GNAQ: variants seen among roughly 807,000 people sequenced by gnomAD.
GNAQ encodes guanine nucleotide-binding protein G(q) subunit alpha.
GNAQ carries 8 observed loss-of-function variants against 43.9 expected under a neutral mutation model. The observed-to-expected ratio is 0.18, with a 90% CI of 0.11 to 0.33. The LOEUF is 0.33. GNAQ is among the 10% of genes least tolerant of loss of function. The probability of loss-of-function intolerance (pLI) is 1.00; values close to 1 mark genes in which losing one functional copy is unlikely to be tolerated. For missense variants in GNAQ, 158 were observed against 450.8 expected (o/e 0.35, Z 5.88); for synonymous variants, 155 against 170.7 (o/e 0.91, Z 0.71).
At chr9:77,961,697 A>C (rs1379312417) in intron 1 of GNAQ, among the ~76,000 whole-genome samples, 3 of 152,360 alleles carry the variant, frequency 2.0e-5, no homozygotes, top group South Asian at 4.1e-4. Context: ...CAAATTACTG[A>C]AGTGATCCCA....
intron 2 of GNAQ, among the ~76,000 whole-genome samples, chr9:77,840,337 C>T (rs1827468105): frequency 6.7e-6 from 1 of 148,376 alleles, no homozygotes; most frequent in Admixed American, 7.0e-5. Flanking sequence ...CAGATGTGTG[C>T]ATTTGATTAC....
At chr9:77,967,910 G>A (rs1196653497) in intron 1 of GNAQ, among the ~76,000 whole-genome samples, 1 of 152,106 alleles carries the variant, frequency 6.6e-6, no homozygotes, top group Admixed American at 6.5e-5. Flanking sequence ...AACTTGGGAG[G>A]CGGAGGTTGC....
intron 5 of GNAQ, among the ~76,000 whole-genome samples, chr9:77,734,006 T>C (rs974140144): frequency 4.6e-5 from 7 of 152,228 alleles, no homozygotes; most frequent in African/African-American, 7.2e-5. Flanking sequence ...TTCAGGCTAC[T>C]GTCTGGCACA....
chr9:77,754,013 CT>C (rs1156509150), intron 5 of GNAQ, among the ~76,000 whole-genome samples: 1 of 152,122 alleles, frequency 6.6e-6, no homozygotes, highest in Non-Finnish European at 1.5e-5. Flanking sequence ...TCCCTGTAAG[CT>C]TTGATGATGG....
chr9:77,835,574 T>C (rs551882302), intron 2 of GNAQ, among the ~76,000 whole-genome samples: 1 of 151,876 alleles, frequency 6.6e-6, no homozygotes, highest in Non-Finnish European at 1.5e-5. Context: ...CAGAAAAAAA[T>C]AGCTATCTTT....
chr9:77,900,171 G>C (rs1828578529), intron 2 of GNAQ, among the ~76,000 whole-genome samples: 2 of 152,030 alleles, frequency 1.3e-5, no homozygotes, highest in African/African-American at 4.8e-5. Context: ...TCATACTTGT[G>C]GTATATGTCT....
intron 2 of GNAQ, among the ~76,000 whole-genome samples, chr9:77,885,953 G>A (rs1427415424): frequency 6.6e-6 from 1 of 150,734 alleles, no homozygotes; most frequent in Non-Finnish European, 1.5e-5. Flanking sequence ...CTCTAATACA[G>A]TCTCCCTGGC....
At chr9:77,979,566 G>A (rs998220742) in intron 1 of GNAQ, among the ~76,000 whole-genome samples, 1 of 151,984 alleles carries the variant, frequency 6.6e-6, no homozygotes, top group African/African-American at 2.4e-5. Flanking sequence ...CAGTTAACGA[G>A]CTAAACAATT....
chr9:78,008,569 TATTTCATTTC>T (rs201289708), intron 1 of GNAQ, among the ~76,000 whole-genome samples: 31,158 of 146,850 alleles, frequency 0.21, 3,422 homozygotes, highest in East Asian at 0.31. Context: ...ACTATCGATT[TATTTCATTTC>T]ATTTCATTTC....
chr9:77,773,222 T>C (rs950557463), intron 5 of GNAQ, among the ~76,000 whole-genome samples: 2 of 152,366 alleles, frequency 1.3e-5, no homozygotes, highest in African/African-American at 2.4e-5. Context: ...TAACAAATAA[T>C]GATTAAGCTT....
chr9:77,955,522 G>A (rs1007969703), intron 1 of GNAQ, among the ~76,000 whole-genome samples: 14 of 152,118 alleles, frequency 9.2e-5, no homozygotes, highest in Non-Finnish European at 1.9e-4. Flanking sequence ...TGTACATAAC[G>A]CTATACTTTG....
chr9:77,785,451 C>G (rs1826460288), intron 5 of GNAQ, among the ~76,000 whole-genome samples: 1 of 152,118 alleles, frequency 6.6e-6, no homozygotes, highest in South Asian at 2.1e-4. Context: ...TGCTTTGTTT[C>G]AAGAGTCCTA....
At chr9:77,990,108 T>C (rs184520761) in intron 1 of GNAQ, among the ~76,000 whole-genome samples, 8 of 152,366 alleles carry the variant, frequency 5.3e-5, no homozygotes, top group Admixed American at 2.0e-4. Context: ...GTATTCTTGA[T>C]AAGAAGAAGG....
intron 5 of GNAQ, among the ~76,000 whole-genome samples, chr9:77,769,189 TC>T (rs1331051051): frequency 6.6e-6 from 1 of 152,054 alleles, no homozygotes; most frequent in Non-Finnish European, 1.5e-5. Flanking sequence ...TTACTTGAGG[TC>T]AGGAGTTTGA....
intron 2 of GNAQ, among the ~76,000 whole-genome samples, chr9:77,848,346 T>A (rs1354781114): frequency 6.6e-6 from 1 of 152,208 alleles, no homozygotes; most frequent in East Asian, 1.9e-4. Context: ...CAATTTCCAC[T>A]TCACAAGCAA....
intron 1 of GNAQ, chr9:78,030,590 T>A (rs1824039469): frequency 4.3e-6 from 2 of 468,262 alleles, no homozygotes; most frequent in Non-Finnish European, 8.9e-6. Flanking sequence ...AGGGCACTGA[T>A]AATGGATGCA....
rs138376852 is a variant in GNAQ at position 77,716,313 on chromosome 9, T to C, written c.*5010A>G. 175 of 232,052 alleles carry C rather than the reference T, an allele frequency of 7.5e-4. No homozygotes were observed. The highest frequency in any genetic ancestry group is 4.4e-3 in the Admixed American group (78 of 17,764). The allele number at this position is 232,052 out of a possible 1,614,324, so 14.4% of individuals were successfully genotyped here. ...ACTGTATTTTTAACCAGCAAGATCA[T>C]TGGGGCATTATTATACAACATTAGG... On this transcript the variant is annotated 3_prime_UTR_variant, in exon 7 of 7. Transcript: ENST00000286548.
chr9:77,885,358 C>T (rs1233157685), intron 2 of GNAQ, among the ~76,000 whole-genome samples: 3 of 152,168 alleles, frequency 2.0e-5, no homozygotes, highest in Non-Finnish European at 4.4e-5. Context: ...CAAGAACAAA[C>T]TGGAATTCTA....
intron 2 of GNAQ, among the ~76,000 whole-genome samples, chr9:77,817,700 C>A (rs927906552): frequency 6.6e-6 from 1 of 152,196 alleles, no homozygotes; most frequent in Non-Finnish European, 1.5e-5. Flanking sequence ...TCTGGGAGCA[C>A]CCAGTACCAC....
Sources: allele counts gnomAD v4.1 joint callset (sites outside exome capture counted in the v4.1 genomes callset), GRCh38; gene constraint gnomAD v4.1.1; transcripts MANE v1.5; gene names NCBI Gene and HGNC (gene_info 2026-07-23, HGNC 2026-07-21).